The following CDH13 variants were observed in gnomAD, a reference collection of about 807,000 sequenced individuals.
CDH13 encodes cadherin-13.
Under a neutral mutation model 63.8 loss-of-function variants are expected in CDH13, and 24 were observed. That is an observed-to-expected ratio of 0.38 (90% CI 0.27 to 0.53). The LOEUF (loss-of-function observed/expected upper bound fraction) is 0.53, where lower values mean the gene tolerates loss of function less well. Ranked by LOEUF, CDH13 falls within the 20% of genes least tolerant of loss-of-function variation. The pLI is 0.85. For synonymous variants in CDH13, 503 were observed against 355.3 expected, an observed-to-expected ratio of 1.42 and a Z score of -4.67; for missense variants, 1,049 against 903.1, an observed-to-expected ratio of 1.16 and a Z score of -2.07.
intron 7 of CDH13, among the ~76,000 whole-genome samples, chr16:83,496,013 T>G (rs1032513521): frequency 6.6e-5 from 10 of 150,558 alleles, no homozygotes; most frequent in Non-Finnish European, 1.3e-4. Context: ...TAAAAGAGGA[T>G]ACAAACAAAT....
intron 6 of CDH13, among the ~76,000 whole-genome samples, chr16:83,423,369 C>T (rs1260110945): frequency 6.6e-6 from 1 of 152,166 alleles, no homozygotes; most frequent in African/African-American, 2.4e-5. Context: ...AAGCCACTCA[C>T]TCGTTGCTCT....
At chr16:83,587,481 TG>T (rs1176841602) in intron 7 of CDH13, among the ~76,000 whole-genome samples, 1 of 152,192 alleles carries the variant, frequency 6.6e-6, no homozygotes, top group African/African-American at 2.4e-5. Flanking sequence ...TTGACCAGTA[TG>T]TAACTGTGTG....
intron 2 of CDH13, among the ~76,000 whole-genome samples, chr16:82,972,566 T>C (rs892940816): frequency 3.3e-5 from 5 of 152,182 alleles, no homozygotes; most frequent in African/African-American, 1.2e-4. Context: ...CAAAGTGCAG[T>C]AGTAACAGCA....
rs1451276235 is a variant in CDH13, at chr16:83,625,919, C to A, written c.1101+23325C>A. On this transcript the variant is annotated intron_variant, in intron 8 of 13. Transcript: ENST00000567109. ...TGTGAGATAGGGCAGAAACACTGCA[C>A]CCCAAAGTCAGGTGTATTGGGGTCT... Among the ~76,000 whole-genome samples, 3 of 152,124 alleles carry A rather than the reference C, an allele frequency of 2.0e-5. No individual in the cohort carries two copies. The East Asian group carries it at 5.8e-4, about 29-fold the overall frequency.
intron 3 of CDH13, among the ~76,000 whole-genome samples, chr16:83,042,278 C>T (rs1429654629): frequency 1.3e-5 from 2 of 152,194 alleles, no homozygotes; most frequent in Non-Finnish European, 2.9e-5. Flanking sequence ...AGCCACTCCC[C>T]ATTCCCCACA....
intron 1 of CDH13, among the ~76,000 whole-genome samples, chr16:82,670,790 G>T (rs1364383243): frequency 6.6e-6 from 1 of 152,164 alleles, no homozygotes; most frequent in Non-Finnish European, 1.5e-5. Flanking sequence ...AGTTGGAATT[G>T]AGCATAATGT....
At chr16:83,548,269 A>G (rs530350749) in intron 7 of CDH13, among the ~76,000 whole-genome samples, 2 of 152,270 alleles carry the variant, frequency 1.3e-5, no homozygotes, top group South Asian at 4.2e-4. Context: ...TAAACCAGGG[A>G]CAGTTGTGTC....
At chr16:83,203,592 C>T (rs987493349) in intron 4 of CDH13, among the ~76,000 whole-genome samples, 4 of 127,504 alleles carry the variant, frequency 3.1e-5, no homozygotes, top group African/African-American at 1.2e-4. Context: ...GAGGCTGAGG[C>T]AGGAGAATGG....
intron 6 of CDH13, among the ~76,000 whole-genome samples, chr16:83,394,976 C>G (rs1289223333): frequency 6.6e-6 from 1 of 151,892 alleles, no homozygotes; most frequent in Non-Finnish European, 1.5e-5. Context: ...GGTGAAATCC[C>G]GTCTCTACTA....
chr16:83,102,930 CTTTTTTTTTTTCTTTTTCTTTTTT>C (rs2034562775), intron 3 of CDH13, among the ~76,000 whole-genome samples: 4 of 96,934 alleles, frequency 4.1e-5, no homozygotes, highest in African/African-American at 1.4e-4. Context: ...TTTTCTTTTT[CTTTTTTTTTTTCTTTTTCTTTTTT>C]TTTTTTTTTT....
intron 4 of CDH13, among the ~76,000 whole-genome samples, chr16:83,163,247 G>A (rs1273223569): frequency 9.9e-5 from 15 of 152,024 alleles, no homozygotes; most frequent in Non-Finnish European, 2.1e-4. Flanking sequence ...CCAATCTCGA[G>A]TATGTCTTTA....
intron 2 of CDH13, among the ~76,000 whole-genome samples, chr16:82,876,665 A>T (rs766416182): frequency 6.6e-6 from 1 of 152,186 alleles, no homozygotes; most frequent in African/African-American, 2.4e-5. Flanking sequence ...CTTAACTCCA[A>T]ATACCTTCCA....
intron 4 of CDH13, among the ~76,000 whole-genome samples, chr16:83,157,402 A>T (rs1383932653): frequency 6.6e-6 from 1 of 152,198 alleles, no homozygotes; most frequent in African/African-American, 2.4e-5. Context: ...CATCTTGGTC[A>T]ATTGGATGAG....
intron 7 of CDH13, among the ~76,000 whole-genome samples, chr16:83,574,398 C>T (rs528759493): frequency 6.6e-6 from 1 of 152,232 alleles, no homozygotes; most frequent in South Asian, 2.1e-4. Flanking sequence ...TCCAGGCCCT[C>T]AGTGGTGGTG....
intron 7 of CDH13, among the ~76,000 whole-genome samples, chr16:83,534,422 A>C (rs1186198595): frequency 6.6e-6 from 1 of 152,228 alleles, no homozygotes; most frequent in African/African-American, 2.4e-5. Flanking sequence ...ACAAGCATTA[A>C]ATAACCTTCT....
At chr16:83,401,053 A>G (rs1597932398) in intron 6 of CDH13, among the ~76,000 whole-genome samples, 1 of 152,234 alleles carries the variant, frequency 6.6e-6, no homozygotes, top group South Asian at 2.1e-4. Context: ...AAAAATACAA[A>G]AAATTGGCCA....
At chr16:83,055,426 G>A (rs561221742) in intron 3 of CDH13, among the ~76,000 whole-genome samples, 2 of 151,364 alleles carry the variant, frequency 1.3e-5, no homozygotes, top group Non-Finnish European at 3.0e-5. Flanking sequence ...AACAAATGGA[G>A]ACAGCACTAG....
At chr16:83,644,871 C>A (rs1026182673) in intron 8 of CDH13, among the ~76,000 whole-genome samples, 1 of 152,196 alleles carries the variant, frequency 6.6e-6, no homozygotes, top group Non-Finnish European at 1.5e-5. Flanking sequence ...CACAGCAAGG[C>A]AGGAGCAGAT....
In CDH13 at chr16:82,646,712, C is replaced by T. The variant is rs891474058; in HGVS notation, c.45+19575C>T. Among the ~76,000 whole-genome samples the T allele has an allele frequency of 4.6e-5, 7 of 152,186 alleles. No homozygotes were observed. In the South Asian group the frequency reaches 1.2e-3, roughly 27 times the overall value. On this transcript the variant is annotated intron_variant, in intron 1 of 13. Coordinates refer to ENST00000567109, the MANE Select transcript of CDH13 (RefSeq NM_001257.5). ...TCATCCCCATCTACAGATGAGAAAA[C>T]TGAGTCAGAGGAAGAGTTAGGTATG... is the stretch of plus-strand genomic sequence containing the variant.
Sources: allele counts gnomAD v4.1 joint callset (sites outside exome capture counted in the v4.1 genomes callset), GRCh38; gene constraint gnomAD v4.1.1; transcripts MANE v1.5; gene names NCBI Gene and HGNC (gene_info 2026-07-23, HGNC 2026-07-21).